The following AFDN variants were observed in gnomAD, a reference collection of about 807,000 sequenced individuals.
The protein encoded by AFDN is afadin, adherens junction formation factor.
Under a neutral mutation model 216.6 loss-of-function variants are expected in AFDN, and 68 were observed. That is an observed-to-expected ratio of 0.31 (90% CI 0.26 to 0.38). The LOEUF (loss-of-function observed/expected upper bound fraction) is 0.38, where lower values mean the gene tolerates loss of function less well. Among genes scored for constraint, AFDN ranks in the 10% least tolerant of loss-of-function variants. The pLI, the probability that AFDN is intolerant of heterozygous loss-of-function variation, is 1.00. For missense variants in AFDN, 2,136 were observed against 2,342.0 expected, an observed-to-expected ratio of 0.91 and a Z score of 1.82; for synonymous variants, 868 against 853.7, an observed-to-expected ratio of 1.02 and a Z score of -0.29.
chr6:167,864,685 A>G lies in AFDN; in HGVS notation c.240A>G (p.Arg80=), dbSNP rs183456479. ...TCGAAACGCTCGCGGAGAAATTTCG[A>G]CCTGATATGCGAATGCTGTCCTCTC... ...DVIETLAEKF[R]PDMRMLSSPK... is the part of the protein sequence containing the mutation. Residue 80 remains arginine (R), a synonymous_variant, in exon 2 of 34, where the codon CGA becomes CGG. Coordinates refer to ENST00000683244, the MANE Select transcript of AFDN (RefSeq NM_001386888.1). 1.1e-5 allele frequency: 17 copies of G among 1,614,130 alleles called. No individual in the cohort carries two copies. In the East Asian group the frequency reaches 3.6e-4, roughly 34 times the overall value.
At chr6:167,891,464 G>A (rs990209004) in intron 8 of AFDN, among the ~76,000 whole-genome samples, 1 of 145,724 alleles carries the variant, frequency 6.9e-6, no homozygotes, top group African/African-American at 2.5e-5. Context: ...TGTTGTTTCT[G>A]ATGCATGGAC....
intron 32 of AFDN, among the ~76,000 whole-genome samples, chr6:167,967,556 C>T (rs1223286597): frequency 6.6e-6 from 1 of 152,062 alleles, no homozygotes; most frequent in Non-Finnish European, 1.5e-5. Context: ...ATTTTATAAG[C>T]TGAACCTAAG....
chr6:167,937,747 G>A (rs1794187180), intron 23 of AFDN, among the ~76,000 whole-genome samples: 1 of 152,240 alleles, frequency 6.6e-6, no homozygotes, highest in South Asian at 2.1e-4. Flanking sequence ...CACATTGGGT[G>A]CCAGAGCCTG....
At chr6:167,836,611 T>C (rs1313588019) in intron 1 of AFDN, among the ~76,000 whole-genome samples, 2 of 152,230 alleles carry the variant, frequency 1.3e-5, no homozygotes, top group African/African-American at 4.8e-5. Context: ...TAAGATTAGT[T>C]TTATTTCTAC....
At chr6:167,913,465 G>A in intron 16 of AFDN, 42 bp downstream of exon 16, 1 of 1,529,082 alleles carries the variant, frequency 6.5e-7, no homozygotes, top group Non-Finnish European at 8.8e-7. Flanking sequence ...GTGTTGCTTA[G>A]CCAAGTTTCT....
At chr6:167,891,101 T>C (rs1245297382) in intron 8 of AFDN, 72 bp downstream of exon 8, 4 of 1,284,058 alleles carry the variant, frequency 3.1e-6, no homozygotes, top group Non-Finnish European at 4.2e-6. Flanking sequence ...TACTTTCTAA[T>C]GCATCTTCAA....
At chr6:167,964,285 T>C in intron 31 of AFDN, 1 of 1,064,154 alleles carries the variant, frequency 9.4e-7, no homozygotes, top group Non-Finnish European at 1.1e-6. Context: ...AATAAAGTTG[T>C]CTTGTAATTG....
Position 167,901,437 on chromosome 6 carries a change from T to A in AFDN, c.1581-880T>A, listed in dbSNP as rs1014227696. 2.6e-5 allele frequency among the ~76,000 whole-genome samples: 4 copies of A among 152,332 alleles called. No homozygotes were observed. The Middle Eastern group carries it at 0.014, about 518-fold the overall frequency. ...TTCAATCTTCATAATGAGATTTTGC[T>A]TATGAGTTAGGTTTTCAAAGTGACA... On this transcript the variant is annotated intron_variant, in intron 11 of 33. Coordinates refer to ENST00000683244, the MANE Select transcript of AFDN (RefSeq NM_001386888.1).
rs539305034 is a variant in AFDN, at chr6:167,943,351, T to C, written c.3166-51T>C. 9 of 1,553,244 alleles carry C rather than the reference T, an allele frequency of 5.8e-6. No homozygotes were observed. The South Asian group carries it at 8.9e-5, about 15-fold the overall frequency. Reference sequence around the variant, plus strand: ...CATCATTACCTTTTCTTCCTCCCGCTCTCTTTGCTCTCTACCCCTAATCCA... The same window carrying C: ...CATCATTACCTTTTCTTCCTCCCGCCCTCTTTGCTCTCTACCCCTAATCCA... On this transcript the variant is annotated intron_variant, in intron 24 of 33. Transcript: ENST00000683244.
chr6:167,943,221 T>A (rs755421590), intron 24 of AFDN, 27 bp downstream of exon 24: 2 of 1,594,532 alleles, frequency 1.3e-6, no homozygotes, highest in Non-Finnish European at 1.7e-6. Context: ...AAGAAGTACA[T>A]TTTCAGTGTG....
intron 23 of AFDN, among the ~76,000 whole-genome samples, chr6:167,928,716 C>G (rs145503181): frequency 2.2e-4 from 33 of 152,316 alleles, no homozygotes; most frequent in African/African-American, 7.0e-4. Context: ...ATCCATGCTG[C>G]TGCCCACACC....
chr6:167,908,483 G>A (rs1005486941), intron 13 of AFDN, among the ~76,000 whole-genome samples: 5 of 152,164 alleles, frequency 3.3e-5, no homozygotes, highest in Non-Finnish European at 5.9e-5. Flanking sequence ...TATGGAGTAG[G>A]ATGTTCAGAA....
chr6:167,914,774 C>A, intron 18 of AFDN, 36 bp downstream of exon 18: 1 of 1,417,460 alleles, frequency 7.1e-7, no homozygotes, highest in Non-Finnish European at 1.0e-6. Flanking sequence ...CTCTATCCCG[C>A]TTCCTTCACG....
intron 30 of AFDN, among the ~76,000 whole-genome samples, chr6:167,956,281 G>A (rs1245487353): frequency 6.6e-6 from 1 of 152,068 alleles, no homozygotes; most frequent in Non-Finnish European, 1.5e-5. Flanking sequence ...TGGTTCTTAA[G>A]ATATTTTCTT....
Position 167,898,302 on chromosome 6 carries a change from T to C in AFDN, c.1415T>C (p.Val472Ala). The C allele has an allele frequency of 6.2e-7, 1 of 1,614,080 alleles. No individual in the cohort carries two copies. The highest frequency in any genetic ancestry group is 2.2e-5 in the East Asian group (1 of 44,862). Residue 472 changes from valine to alanine, a missense_variant, in exon 11 of 34, where the codon GTG becomes GCG. Transcript: ENST00000683244. ...AGAAGTATGGACGCAGAAACCTACG[T>C]GGAAGGCCAGCGCATCTCAGAAACC... ...TPRSMDAETY[V>A]EGQRISETTM...
rs963086126 is a variant in AFDN, at chr6:167,951,896, G to A, written c.4542G>A (p.Ser1514=). ...YITVSKEELS[S]GDSLSPDPWK... is the part of the protein sequence containing the mutation. ...CAGTCAGCAAAGAGGAGCTTTCCTC[G>A]GGGGACAGTCTGTCCCCCGACCCGT... The change falls in exon 30 of 34, where the codon TCG becomes TCA. Residue 1514 remains serine, a synonymous_variant. Coordinates refer to ENST00000683244, the MANE Select transcript of AFDN (RefSeq NM_001386888.1). This position sits in a 1 kb window ranked among gnomAD's most constrained non-coding sequence, Gnocchi z 7.1. 10 of 1,613,790 alleles carry A rather than the reference G, an allele frequency of 6.2e-6. No individual in the cohort carries two copies. The highest frequency in any genetic ancestry group is 8.5e-6 in the Non-Finnish European group (10 of 1,179,880).
chr6:167,899,077 T>G (rs1286650658), intron 11 of AFDN, among the ~76,000 whole-genome samples: 1 of 152,160 alleles, frequency 6.6e-6, no homozygotes, highest in African/African-American at 2.4e-5. Context: ...TCCCCTAGAT[T>G]GTAGGCTTTC....
intron 1 of AFDN, among the ~76,000 whole-genome samples, chr6:167,861,038 C>T (rs1340225079): frequency 6.6e-6 from 1 of 152,200 alleles, no homozygotes; most frequent in Non-Finnish European, 1.5e-5. Flanking sequence ...GCTGGGCAAG[C>T]TAGGTGTTGG....
intron 31 of AFDN, chr6:167,964,906 CTG>C (rs1276588044): frequency 9.4e-7 from 1 of 1,062,274 alleles, no homozygotes; most frequent in African/African-American, 1.6e-5. Context: ...TTTAACAAAA[CTG>C]TGCTGTTACC....
Sources: gnomAD v4.1 joint callset for allele counts (sites outside exome capture counted in the v4.1 genomes callset) on GRCh38, gnomAD v4.1.1 for gene constraint, Gnocchi (gnomAD v3.1) non-coding constraint, MANE v1.5 for transcripts, NCBI Gene and HGNC (gene_info 2026-07-23, HGNC 2026-07-21) for gene names.